The following ZNF215 variants were observed in gnomAD, a reference collection of about 807,000 sequenced individuals.
ZNF215 encodes zinc finger protein 215.
Under a neutral mutation model 27.2 loss-of-function variants are expected in ZNF215, and 24 were observed. That is an observed-to-expected ratio of 0.88 (90% CI 0.64 to 1.24). ZNF215 has a LOEUF of 1.24. ZNF215 is among the 50% of genes most tolerant of loss of function. The pLI, the probability that ZNF215 is intolerant of heterozygous loss-of-function variation, is 0.00. For missense variants in ZNF215, 675 were observed against 605.7 expected (o/e 1.11, Z -1.20); for synonymous variants, 210 against 204.0 (o/e 1.03, Z -0.25).
In ZNF215 at chr11:6,956,479, G is replaced by A. The variant is rs755380132; in HGVS notation, c.1502G>A (p.Arg501Lys). Residue 501 changes from arginine to lysine, a missense_variant, in exon 7 of 7, where the codon AGG (arginine) becomes AAG (lysine). By Grantham distance (26) the Arg-to-Lys change is conservative (BLOSUM62 2). Coordinates refer to ENST00000278319, the MANE Select transcript of ZNF215 (RefSeq NM_013250.4). Reference protein sequence around the residue: ...KCKECSKAFNRSSNLVKHQKL... With the variant: ...KCKECSKAFNKSSNLVKHQKL... ...AAGGAATGTAGTAAAGCCTTCAACA[G>A]GAGTTCAAACCTTGTTAAACATCAA... The A allele has an allele frequency of 1.7e-5, 28 of 1,612,398 alleles. No individual in the cohort carries two copies. The highest frequency in any genetic ancestry group is 2.2e-5 in the Non-Finnish European group (26 of 1,179,588).
rs374540447 is a variant in ZNF215 at position 6,955,920 on chromosome 11, G to A, written c.943G>A (p.Val315Ile). The change falls in exon 7 of 7, where the codon GTT becomes ATT. Residue 315 changes from valine to isoleucine, a missense_variant. Physicochemically the swap from Val to Ile is conservative, Grantham distance 29. Coordinates refer to ENST00000278319, the MANE Select transcript of ZNF215 (RefSeq NM_013250.4). Reference sequence around the variant, plus strand: ...TAAGAAAAGCTTTGATATTAATTCAGTTAGCTCAATTTGTGCTATACAAGT... The same window carrying A: ...TAAGAAAAGCTTTGATATTAATTCAATTAGCTCAATTTGTGCTATACAAGT... ...ENKKSFDINSVSSICAIQVGI... is the reference protein window; with the variant it reads ...ENKKSFDINSISSICAIQVGI... 7 of 1,612,278 alleles carry A rather than the reference G, an allele frequency of 4.3e-6. No homozygotes were observed. The highest frequency in any genetic ancestry group is 1.1e-5 in the South Asian group (1 of 90,496).
intron 6 of ZNF215, among the ~76,000 whole-genome samples, chr11:6,947,380 G>A (rs1849855084): frequency 6.6e-6 from 1 of 152,028 alleles, no homozygotes; most frequent in Non-Finnish European, 1.5e-5. Context: ...TGGGCACCAT[G>A]GCAAGACTCC....
downstream of ZNF215, among the ~76,000 whole-genome samples, chr11:6,987,730 A>G (rs190429627): frequency 6.6e-6 from 1 of 152,320 alleles, no homozygotes; most frequent in Admixed American, 6.5e-5. Context: ...TCACCAAAGT[A>G]ATAACATCCA....
At chr11:6,938,027 A>G (rs1353987975) in intron 3 of ZNF215, among the ~76,000 whole-genome samples, 1 of 152,060 alleles carries the variant, frequency 6.6e-6, no homozygotes, top group Non-Finnish European at 1.5e-5. Flanking sequence ...ACTTTTGTGC[A>G]TCAAAAGATA....
chr11:6,972,504 A>G (rs1246112127), intron 5 of ZNF215, among the ~76,000 whole-genome samples: 1 of 152,066 alleles, frequency 6.6e-6, no homozygotes, highest in Non-Finnish European at 1.5e-5. Context: ...AATAACTACA[A>G]ATACTGTAAA....
In ZNF215 at chr11:6,956,482, G is replaced by A. The variant is rs373660582; in HGVS notation, c.1505G>A (p.Ser502Asn). ...CKECSKAFNR[S>N]SNLVKHQKLH... ...GAATGTAGTAAAGCCTTCAACAGGA[G>A]TTCAAACCTTGTTAAACATCAAAAA... The change falls in exon 7 of 7, where the codon AGT becomes AAT. Residue 502 changes from serine to asparagine, a missense_variant. By Grantham distance (46) the Ser-to-Asn change is conservative. Coordinates refer to ENST00000278319, the MANE Select transcript of ZNF215 (RefSeq NM_013250.4). 2.5e-5 allele frequency: 41 copies of A among 1,607,870 alleles called. No individual in the cohort carries two copies. The highest frequency in any genetic ancestry group is 3.3e-5 in the Non-Finnish European group (39 of 1,178,256).
At chr11:6,970,548 G>A (rs749610756) in intron 5 of ZNF215, among the ~76,000 whole-genome samples, 2 of 152,098 alleles carry the variant, frequency 1.3e-5, no homozygotes, top group Admixed American at 6.5e-5. Context: ...AGTGTTTACG[G>A]GCGAAGTAAT....
rs533057229 is a variant in ZNF215, at chr11:6,982,461, T to C, written c.806-1668T>C. On this transcript the variant is annotated intron_variant, in intron 5 of 5. Transcript: ENST00000529903. ...CAAATCAACAGAATGTACATTTTTT[T>C]CAGCACCACACCACACCTATTCCAA... Among the ~76,000 whole-genome samples, 6 of 152,276 alleles carry C rather than the reference T, an allele frequency of 3.9e-5. No homozygotes were observed. The East Asian group carries it at 7.7e-4, about 20-fold the overall frequency.
intron 3 of ZNF215, among the ~76,000 whole-genome samples, chr11:6,939,000 G>A (rs1849538902): frequency 6.6e-6 from 1 of 152,130 alleles, no homozygotes; most frequent in Non-Finnish European, 1.5e-5. Context: ...AATCAATGTA[G>A]TGTAATGGGA....
chr11:6,950,402 T>C (rs1169935959), intron 6 of ZNF215, among the ~76,000 whole-genome samples: 6 of 152,206 alleles, frequency 3.9e-5, no homozygotes, highest in African/African-American at 1.4e-4. Flanking sequence ...TCCTCTTTAA[T>C]TTCATTGAGC....
downstream of ZNF215, among the ~76,000 whole-genome samples, chr11:6,991,236 G>T (rs955919482): frequency 6.6e-6 from 1 of 152,192 alleles, no homozygotes; most frequent in African/African-American, 2.4e-5. Flanking sequence ...CTTTGCCTGC[G>T]TTTCTTCATG....
At chr11:6,955,589 T>C in intron 6 of ZNF215, 101 bp from the exon 7 acceptor site, 1 of 1,226,740 alleles carries the variant, frequency 8.2e-7, no homozygotes. Context: ...CATTCTGTAT[T>C]TAAGACCCGT....
At chr11:6,928,434 A>G (rs1454126136) in intron 2 of ZNF215, among the ~76,000 whole-genome samples, 1 of 152,158 alleles carries the variant, frequency 6.6e-6, no homozygotes, top group African/African-American at 2.4e-5. Flanking sequence ...AATGAGTTAT[A>G]TTTCATTATG....
intron 5 of ZNF215, among the ~76,000 whole-genome samples, chr11:6,966,174 G>A (rs1381948526): frequency 6.6e-6 from 1 of 152,092 alleles, no homozygotes; most frequent in African/African-American, 2.4e-5. Flanking sequence ...ATATTACACA[G>A]CCATAAAAAA....
intron 5 of ZNF215, among the ~76,000 whole-genome samples, chr11:6,979,828 G>C (rs1367882724): frequency 6.6e-6 from 1 of 152,104 alleles, no homozygotes; most frequent in Non-Finnish European, 1.5e-5. Context: ...ATATTGCTGA[G>C]AGGACTGGGG....
intron 6 of ZNF215, 61 bp from the exon 7 acceptor site, chr11:6,955,629 C>T: frequency 6.6e-7 from 1 of 1,512,626 alleles, no homozygotes; most frequent in Non-Finnish European, 8.8e-7. Context: ...TACAGTTCAG[C>T]CTCCATTTCC....
At chr11:6,936,677 A>G (rs531444989) in intron 3 of ZNF215, among the ~76,000 whole-genome samples, 2 of 152,194 alleles carry the variant, frequency 1.3e-5, no homozygotes, top group South Asian at 4.1e-4. Flanking sequence ...ACATCACAAC[A>G]AAAGAAAAAT....
chr11:6,950,919 TTTA>T (rs1379522344), intron 6 of ZNF215, among the ~76,000 whole-genome samples: 2 of 152,070 alleles, frequency 1.3e-5, no homozygotes, highest in Non-Finnish European at 2.9e-5. Context: ...CAATACCTAA[TTTA>T]TTGAGAGTTT....
intron 5 of ZNF215, among the ~76,000 whole-genome samples, chr11:6,978,468 G>A (rs1214459942): frequency 6.6e-6 from 1 of 152,032 alleles, no homozygotes; most frequent in Non-Finnish European, 1.5e-5. Flanking sequence ...TAGGAGCCGA[G>A]TTGAAAACAA....
Sources: allele counts gnomAD v4.1 joint callset (sites outside exome capture counted in the v4.1 genomes callset), GRCh38; gene constraint gnomAD v4.1.1; transcripts MANE v1.5; gene names NCBI Gene and HGNC (gene_info 2026-07-23, HGNC 2026-07-21).